XKR6: variants seen among roughly 807,000 people sequenced by gnomAD.
XKR6 encodes XK related 6, also known as XK-related protein 6.
In XKR6, 22 loss-of-function variants were observed where a neutral mutation model predicts 56.7. The ratio of observed to expected loss-of-function variants is 0.39; its 90% CI spans 0.28 to 0.55. The LOEUF (loss-of-function observed/expected upper bound fraction) is 0.55, where lower values mean the gene tolerates loss of function less well. XKR6 is among the 20% of genes least tolerant of loss of function. The pLI, the probability that XKR6 is intolerant of heterozygous loss-of-function variation, is 0.66. For synonymous variants in XKR6, 524 were observed against 387.8 expected (o/e 1.35, Z -4.13); for missense variants, 852 against 889.0 (o/e 0.96, Z 0.53).
intron 1 of XKR6, among the ~76,000 whole-genome samples, chr8:11,100,982 G>A (rs1320227221): frequency 6.6e-6 from 1 of 152,196 alleles, no homozygotes; most frequent in African/African-American, 2.4e-5. Context: ...ATCTCCTGGA[G>A]AGACCTCCAT....
At chr8:10,994,318 G>A (rs995944046) in intron 1 of XKR6, among the ~76,000 whole-genome samples, 2 of 152,224 alleles carry the variant, frequency 1.3e-5, no homozygotes, top group African/African-American at 2.4e-5. Flanking sequence ...AGCTCCCCCA[G>A]CCTGGCTCTA....
chr8:11,100,466 C>T (rs976751720), intron 1 of XKR6, among the ~76,000 whole-genome samples: 9 of 152,192 alleles, frequency 5.9e-5, no homozygotes, highest in African/African-American at 1.7e-4. Context: ...GTGTTTAGTA[C>T]GCAATGATTT....
At chr8:11,145,186 A>T (rs1563172212) in intron 1 of XKR6, among the ~76,000 whole-genome samples, 2 of 152,170 alleles carry the variant, frequency 1.3e-5, no homozygotes, top group African/African-American at 4.8e-5. Context: ...TGGATTTCAG[A>T]TTTTTGGATT....
At chr8:11,090,478 C>T (rs1798031029) in intron 1 of XKR6, among the ~76,000 whole-genome samples, 3 of 151,858 alleles carry the variant, frequency 2.0e-5, no homozygotes, top group Admixed American at 2.0e-4. Context: ...CTGGCAATGA[C>T]ACCAGCAGAT....
chr8:11,125,025 C>T (rs1312333038), intron 1 of XKR6, among the ~76,000 whole-genome samples: 1 of 147,490 alleles, frequency 6.8e-6, no homozygotes, highest in African/African-American at 2.5e-5. Flanking sequence ...GGAGGTGGAG[C>T]TTGCAGTGAG....
intron 1 of XKR6, among the ~76,000 whole-genome samples, chr8:11,146,407 C>T (rs1800984511): frequency 6.6e-6 from 1 of 152,210 alleles, no homozygotes; most frequent in South Asian, 2.1e-4. Flanking sequence ...AGTCGGTCTG[C>T]ATGAGGCCAG....
At chr8:10,939,814 C>G (rs1801336162) in intron 1 of XKR6, among the ~76,000 whole-genome samples, 1 of 152,234 alleles carries the variant, frequency 6.6e-6, no homozygotes, top group Non-Finnish European at 1.5e-5. Flanking sequence ...ATTCCCAAGG[C>G]CAGGGGCTGG....
chr8:11,056,751 A>G (rs1799694629), intron 1 of XKR6, among the ~76,000 whole-genome samples: 1 of 152,166 alleles, frequency 6.6e-6, no homozygotes, highest in African/African-American at 2.4e-5. Context: ...CTTTTCTTCA[A>G]TGGGAGAGGG....
chr8:11,059,746 C>T (rs56078888), intron 1 of XKR6, among the ~76,000 whole-genome samples: 35,059 of 150,682 alleles, frequency 0.23, 4,222 homozygotes, highest in Middle Eastern at 0.31. Context: ...CCGGACCCCG[C>T]CCCGCGGCTC....
At chr8:11,032,266 C>T (rs1799010591) in intron 1 of XKR6, among the ~76,000 whole-genome samples, 1 of 152,206 alleles carries the variant, frequency 6.6e-6, no homozygotes, top group African/African-American at 2.4e-5. Flanking sequence ...AAAACAACAT[C>T]TTGGTGGGTT....
intron 1 of XKR6, among the ~76,000 whole-genome samples, chr8:11,148,675 G>C (rs1024740200): frequency 1.3e-5 from 2 of 152,108 alleles, no homozygotes; most frequent in South Asian, 2.1e-4. Context: ...TCCACTCCTA[G>C]GTATTTATCG....
rs148967544 is a variant in XKR6, at chr8:11,132,041, C to T, written c.764+68535G>A. 4.0e-4 allele frequency among the ~76,000 whole-genome samples: 61 copies of T among 152,230 alleles called. 1 individual carries two copies. In the East Asian group the frequency reaches 0.01, roughly 26 times the overall value. ...GCCATTATCTTCTCTGCATTCTGTGCTCTGATACAGTGGGTCTCAAACTTC... is the reference window on the plus strand; with the variant it reads ...GCCATTATCTTCTCTGCATTCTGTGTTCTGATACAGTGGGTCTCAAACTTC... On this transcript the variant is annotated intron_variant, in intron 1 of 2. Transcript: ENST00000416569.
At chr8:11,181,339 T>C (rs1585027058) in intron 1 of XKR6, among the ~76,000 whole-genome samples, 2 of 152,212 alleles carry the variant, frequency 1.3e-5, no homozygotes, top group South Asian at 2.1e-4. Flanking sequence ...TGCTAGACAA[T>C]GTTTTGACTT....
chr8:11,108,146 C>T (rs1798751330), intron 1 of XKR6: 1 of 371,472 alleles, frequency 2.7e-6, no homozygotes, highest in African/African-American at 2.1e-5. Context: ...AAACACATTT[C>T]TAATCAGATA....
intron 1 of XKR6, among the ~76,000 whole-genome samples, chr8:11,024,119 G>A (rs1368327829): frequency 6.6e-6 from 1 of 151,968 alleles, no homozygotes; most frequent in Non-Finnish European, 1.5e-5. Flanking sequence ...CCAGAGAGGT[G>A]GTTCAGGAAT....
chr8:11,167,663 G>T (rs917927351), intron 1 of XKR6, among the ~76,000 whole-genome samples: 1 of 152,128 alleles, frequency 6.6e-6, no homozygotes, highest in African/African-American at 2.4e-5. Flanking sequence ...AACCCAGGAA[G>T]ACCTTAAGCT....
intron 1 of XKR6, among the ~76,000 whole-genome samples, chr8:11,017,303 G>C (rs554234763): frequency 8.5e-5 from 13 of 152,252 alleles, no homozygotes; most frequent in Non-Finnish European, 1.9e-4. Flanking sequence ...CCGGACCCCA[G>C]GCTGGCCAGG....
intron 1 of XKR6, among the ~76,000 whole-genome samples, chr8:11,073,064 A>G (rs1800175328): frequency 6.6e-6 from 1 of 152,100 alleles, no homozygotes; most frequent in Non-Finnish European, 1.5e-5. Flanking sequence ...ACAAACAAAA[A>G]GTTGCCCCCA....
chr8:10,952,671 GC>G (rs1801761377), intron 1 of XKR6, among the ~76,000 whole-genome samples: 1 of 152,108 alleles, frequency 6.6e-6, no homozygotes, highest in Admixed American at 6.5e-5. Context: ...GTGTATCCTT[GC>G]CCAAATCTCA....
Sources: allele counts gnomAD v4.1 joint callset (sites outside exome capture counted in the v4.1 genomes callset), GRCh38; gene constraint gnomAD v4.1.1; transcripts MANE v1.5; gene names NCBI Gene and HGNC (gene_info 2026-07-23, HGNC 2026-07-21).